The following FSHR variants were observed in gnomAD, a reference collection of about 807,000 sequenced individuals.
FSHR encodes follicle-stimulating hormone receptor.
In FSHR, 46 loss-of-function variants were observed where a neutral mutation model predicts 52.1. The ratio of observed to expected loss-of-function variants is 0.88; its 90% CI spans 0.70 to 1.13. The LOEUF (loss-of-function observed/expected upper bound fraction) is 1.13. Ranked by LOEUF, FSHR falls within the 50% of genes most tolerant of loss-of-function variation. FSHR has a pLI of 0.00. For synonymous variants in FSHR, 399 were observed against 309.6 expected (o/e 1.29, Z -3.03); for missense variants, 964 against 834.6 (o/e 1.16, Z -1.91).
chr2:49,091,223 GT>G (rs923846648), intron 1 of FSHR, among the ~76,000 whole-genome samples: 5 of 151,918 alleles, frequency 3.3e-5, no homozygotes, highest in Non-Finnish European at 5.9e-5. Flanking sequence ...TTTTGTCTAA[GT>G]TTTTTATAGC....
At chr2:48,987,823 C>G (rs1675585698) in intron 6 of FSHR, among the ~76,000 whole-genome samples, 3 of 127,024 alleles carry the variant, frequency 2.4e-5, no homozygotes, top group Non-Finnish European at 4.9e-5. Context: ...TTCTGCACCC[C>G]ATCACCTCAT....
chr2:49,032,366 T>C (rs567375598), intron 2 of FSHR, among the ~76,000 whole-genome samples: 3 of 152,306 alleles, frequency 2.0e-5, no homozygotes, highest in African/African-American at 7.2e-5. Context: ...CAAATCACAC[T>C]TGGCAGGCTC....
chr2:49,083,144 C>A (rs1670242108), intron 1 of FSHR, among the ~76,000 whole-genome samples: 1 of 151,938 alleles, frequency 6.6e-6, no homozygotes, highest in Non-Finnish European at 1.5e-5. Flanking sequence ...AACAGCAGAT[C>A]TCTCGGCAGA....
chr2:49,147,576 T>A (rs1369728463), intron 1 of FSHR, among the ~76,000 whole-genome samples: 2 of 152,070 alleles, frequency 1.3e-5, no homozygotes, highest in Non-Finnish European at 2.9e-5. Context: ...AAACCCCTAC[T>A]CTTCAATTGC....
At chr2:49,068,533 CAT>C (rs1319614753) in intron 1 of FSHR, among the ~76,000 whole-genome samples, 1 of 151,838 alleles carries the variant, frequency 6.6e-6, no homozygotes, top group Admixed American at 6.6e-5. Flanking sequence ...CCCAGGGTCA[CAT>C]GGCTGATACA....
At chr2:49,133,262 G>A (rs1355145121) in intron 1 of FSHR, among the ~76,000 whole-genome samples, 1 of 152,176 alleles carries the variant, frequency 6.6e-6, no homozygotes, top group Non-Finnish European at 1.5e-5. Context: ...AGTTGTGCAA[G>A]CAAGGCTCTA....
Position 49,081,826 on chromosome 2 carries a change from G to A in FSHR, c.153-13536C>T, listed in dbSNP as rs145984823. Among the ~76,000 whole-genome samples the A allele has an allele frequency of 8.9e-4, 135 of 152,256 alleles. 2 individuals carry two copies. Among genetic ancestry groups the A allele is most frequent in the African/African-American group, 3.0e-3 (124 of 41,540 alleles). On this transcript the variant is annotated intron_variant, in intron 1 of 9. Coordinates refer to ENST00000406846, the MANE Select transcript of FSHR (RefSeq NM_000145.4). ...TACTTTGGGCAGTCCATTCACACTT[G>A]GCCAAATTTAATTTCCCTTTGTGGC... is the stretch of plus-strand genomic sequence containing the variant.
At chr2:49,101,676 T>C (rs1009027578) in intron 1 of FSHR, among the ~76,000 whole-genome samples, 24 of 152,170 alleles carry the variant, frequency 1.6e-4, no homozygotes, top group Non-Finnish European at 3.5e-4. Context: ...TAACAGAATA[T>C]CTGAACCAAA....
intron 1 of FSHR, among the ~76,000 whole-genome samples, chr2:49,122,537 C>T (rs1671855177): frequency 6.6e-6 from 1 of 152,158 alleles, no homozygotes; most frequent in Admixed American, 6.5e-5. Context: ...CTAGTTTTAT[C>T]CTGGCTGAGA....
rs2103870666 is a variant in FSHR at position 49,154,505 on chromosome 2, A to G, written c.-88T>C. On this transcript the variant is annotated 5_prime_UTR_variant, in exon 1 of 10. Transcript: ENST00000406846. ...AGAAGCTCCACACAGTGCCCTTATGAGAAGAGATCTGACTTGAGAACTGGT... is the reference window on the plus strand; with the variant it reads ...AGAAGCTCCACACAGTGCCCTTATGGGAAGAGATCTGACTTGAGAACTGGT... The G allele has an allele frequency of 7.2e-7, 1 of 1,383,432 alleles. No homozygotes were observed. Among genetic ancestry groups the G allele is most frequent in the East Asian group, 2.3e-5 (1 of 42,746 alleles). The allele number at this position is 1,383,432 out of a possible 1,614,324, so 85.7% of individuals were successfully genotyped here.
intron 4 of FSHR, among the ~76,000 whole-genome samples, chr2:48,993,412 C>T (rs920878598): frequency 3.3e-5 from 5 of 152,148 alleles, no homozygotes; most frequent in South Asian, 2.1e-4. Context: ...TTCTTTCTCA[C>T]GTTCCGATAT....
chr2:48,976,820 G>A lies in FSHR; in HGVS notation c.668+6092C>T, dbSNP rs578111425. Among the ~76,000 whole-genome samples the A allele has an allele frequency of 3.3e-5, 5 of 152,270 alleles. No homozygotes were observed. In the East Asian group the frequency reaches 9.7e-4, roughly 29 times the overall value. On this transcript the variant is annotated intron_variant, in intron 8 of 9. Transcript: ENST00000406846. Reference sequence around the variant, plus strand: ...GGTAGTTTGTATTTCTGTGGGATCAGTGGTGATATCTCCTTTATCATTTTT... The same window carrying A: ...GGTAGTTTGTATTTCTGTGGGATCAATGGTGATATCTCCTTTATCATTTTT...
At chr2:49,108,053 G>T (rs1487290079) in intron 1 of FSHR, among the ~76,000 whole-genome samples, 2 of 152,104 alleles carry the variant, frequency 1.3e-5, no homozygotes, top group African/African-American at 4.8e-5. Context: ...GGGTTCAGTA[G>T]ATTGCCTTCT....
intron 2 of FSHR, among the ~76,000 whole-genome samples, chr2:49,053,868 G>C (rs181438650): frequency 7.4e-4 from 112 of 152,260 alleles, no homozygotes; most frequent in African/African-American, 2.6e-3. Flanking sequence ...TGTTGTTTCA[G>C]ATACTGAGAT....
At chr2:49,093,595 C>CCTTTTTT (rs1553344384) in intron 1 of FSHR, among the ~76,000 whole-genome samples, 2 of 132,944 alleles carry the variant, frequency 1.5e-5, no homozygotes, top group Non-Finnish European at 3.2e-5. Flanking sequence ...TTATATTTAT[C>CCTTTTTT]TTTTTTTTTT....
intron 9 of FSHR, among the ~76,000 whole-genome samples, chr2:48,964,355 C>A (rs141174728): frequency 3.9e-5 from 6 of 152,122 alleles, no homozygotes; most frequent in African/African-American, 1.4e-4. Flanking sequence ...TATTCCTATT[C>A]GTCTACACTC....
At chr2:48,985,950 T>C (rs546131031) in intron 6 of FSHR, among the ~76,000 whole-genome samples, 1 of 151,946 alleles carries the variant, frequency 6.6e-6, no homozygotes, top group East Asian at 1.9e-4. Flanking sequence ...CCTGACCTCA[T>C]GATCCACCCG....
chr2:48,983,519 C>A (rs115940756), intron 6 of FSHR, among the ~76,000 whole-genome samples: 1 of 152,172 alleles, frequency 6.6e-6, no homozygotes, highest in Non-Finnish European at 1.5e-5. Flanking sequence ...TCTTTCTCAT[C>A]CTGAAGGACA....
chr2:49,097,783 AATTTTAAATTTTAATTGAT>A (rs1670880902), intron 1 of FSHR, among the ~76,000 whole-genome samples: 1 of 152,220 alleles, frequency 6.6e-6, no homozygotes, highest in Non-Finnish European at 1.5e-5. Flanking sequence ...TTTTAAACTT[AATTTTAAATTTTAATTGAT>A]AAACTGCTGG....
Sources: allele counts gnomAD v4.1 joint callset (sites outside exome capture counted in the v4.1 genomes callset), GRCh38; gene constraint gnomAD v4.1.1; transcripts MANE v1.5; gene names NCBI Gene and HGNC (gene_info 2026-07-23, HGNC 2026-07-21).